NTM: variants seen among roughly 807,000 people sequenced by gnomAD.
The protein encoded by NTM is IgLON family member 2.
NTM carries 13 observed loss-of-function variants against 42.1 expected under a neutral mutation model. That is an observed-to-expected ratio of 0.31 (90% CI 0.20 to 0.49). The LOEUF is 0.49. Ranked by LOEUF, NTM falls within the 20% of genes least tolerant of loss-of-function variation. NTM has a pLI of 0.99. For synonymous variants in NTM, 187 were observed against 179.2 expected (o/e 1.04, Z -0.35); for missense variants, 373 against 452.8 (o/e 0.82, Z 1.60).
At chr11:132,186,800 A>T (rs1429527629) in intron 3 of NTM, among the ~76,000 whole-genome samples, 1 of 152,204 alleles carries the variant, frequency 6.6e-6, no homozygotes, top group Non-Finnish European at 1.5e-5. Context: ...CCTCAAATGC[A>T]CCAGGGATAG....
Position 131,473,522 on chromosome 11 carries a change from A to G in NTM, c.82+102634A>G, listed in dbSNP as rs116869433. On this transcript the variant is annotated intron_variant, in intron 1 of 8. Coordinates refer to ENST00000683400, the MANE Select transcript of NTM (RefSeq NM_001352005.2). ...TAAAGATAGCTTTTCTCCTCTCAGC[A>G]AAGAGGCAGGGATAAGCAGGCTTTC... Among the ~76,000 whole-genome samples, 37 of 152,266 alleles carry G rather than the reference A, an allele frequency of 2.4e-4. No individual in the cohort carries two copies. The East Asian group carries it at 6.7e-3, about 28-fold the overall frequency.
intron 2 of NTM, among the ~76,000 whole-genome samples, chr11:131,985,371 G>A (rs1163156012): frequency 6.6e-6 from 1 of 152,150 alleles, no homozygotes; most frequent in African/African-American, 2.4e-5. Context: ...AATCATGCCA[G>A]AATCCTACTC....
chr11:131,514,265 A>G (rs186279439), intron 1 of NTM, among the ~76,000 whole-genome samples: 3 of 152,282 alleles, frequency 2.0e-5, no homozygotes, highest in Admixed American at 2.0e-4. Context: ...CAAGTTCCTT[A>G]TCTGTAAATG....
intron 1 of NTM, among the ~76,000 whole-genome samples, chr11:131,545,787 G>A (rs183779040): frequency 3.4e-4 from 52 of 152,178 alleles, no homozygotes; most frequent in Non-Finnish European, 6.5e-4. Flanking sequence ...TGAAGGTGTC[G>A]TCAAGTAGAG....
Position 132,125,285 on chromosome 11 carries a change from T to TTGTG in NTM, c.168-20980_168-20977dup, listed in dbSNP as rs57511761. Among the ~76,000 whole-genome samples, 4 of 149,564 alleles carry TTGTG rather than the reference T, an allele frequency of 2.7e-5. No homozygotes were observed. The East Asian group carries it at 6.0e-4, about 22-fold the overall frequency. On this transcript the variant is annotated intron_variant, in intron 2 of 8. Transcript: ENST00000683400. ...AGATAAATAATGTACTGGTGTGTGT[T>TTGTG]TGTGTGTGTGTGTGTGTGTGGTGTG...
At chr11:131,631,749 G>T (rs536445758) in intron 1 of NTM, among the ~76,000 whole-genome samples, 1 of 152,170 alleles carries the variant, frequency 6.6e-6, no homozygotes, top group Admixed American at 6.5e-5. Flanking sequence ...TGTGATTGGC[G>T]CATGCATTCT....
At chr11:131,867,449 ATGTGTGTG>A in intron 1 of NTM, among the ~76,000 whole-genome samples, 1 of 150,944 alleles carries the variant, frequency 6.6e-6, no homozygotes, top group Middle Eastern at 3.5e-3. Flanking sequence ...CCATATGTGT[ATGTGTGTG>A]TGTGTCTGTG....
intron 1 of NTM, among the ~76,000 whole-genome samples, chr11:131,859,096 G>A (rs1263552714): frequency 2.0e-5 from 3 of 151,978 alleles, no homozygotes; most frequent in African/African-American, 4.8e-5. Flanking sequence ...CCATCCATCC[G>A]TCCATCCATG....
chr11:131,581,298 G>A (rs2058388601), intron 1 of NTM, among the ~76,000 whole-genome samples: 1 of 151,864 alleles, frequency 6.6e-6, no homozygotes, highest in Non-Finnish European at 1.5e-5. Context: ...TCTTTTCCTC[G>A]GTCCCCAGGG....
At chr11:131,575,346 A>G (rs764055980) in intron 1 of NTM, among the ~76,000 whole-genome samples, 57 of 152,220 alleles carry the variant, frequency 3.7e-4, no homozygotes, top group Non-Finnish European at 5.9e-4. Flanking sequence ...CACTTACAGT[A>G]TATGTCTTTG....
At chr11:131,626,251 C>A (rs1045232944) in intron 1 of NTM, among the ~76,000 whole-genome samples, 1 of 152,110 alleles carries the variant, frequency 6.6e-6, no homozygotes, top group Non-Finnish European at 1.5e-5. Flanking sequence ...TGTACTGAGA[C>A]ACTTCTTCAA....
intron 1 of NTM, among the ~76,000 whole-genome samples, chr11:131,667,780 G>A (rs945632724): frequency 8.5e-5 from 13 of 152,160 alleles, no homozygotes; most frequent in African/African-American, 2.4e-4. Flanking sequence ...ACCCATGGAC[G>A]CCCTCCCCAC....
At chr11:132,101,065 T>A (rs1038049190) in intron 2 of NTM, among the ~76,000 whole-genome samples, 1 of 152,200 alleles carries the variant, frequency 6.6e-6, no homozygotes, top group South Asian at 2.1e-4. Context: ...ATCCACTAAA[T>A]TTAATATCCA....
chr11:131,509,921 C>T (rs1291407464), intron 1 of NTM, among the ~76,000 whole-genome samples: 1 of 152,048 alleles, frequency 6.6e-6, no homozygotes, highest in African/African-American at 2.4e-5. Flanking sequence ...AGACACATAT[C>T]TCAGGGCATC....
chr11:131,516,046 C>T (rs1029410287), intron 1 of NTM, among the ~76,000 whole-genome samples: 5 of 152,198 alleles, frequency 3.3e-5, no homozygotes, highest in African/African-American at 1.2e-4. Flanking sequence ...TATTCATCCC[C>T]TTAATAATGA....
At chr11:131,373,290 T>G (rs904074446) in intron 1 of NTM, among the ~76,000 whole-genome samples, 1 of 152,340 alleles carries the variant, frequency 6.6e-6, no homozygotes, top group Non-Finnish European at 1.5e-5. Flanking sequence ...CTAGTTAGAA[T>G]GCAGCACACA....
chr11:131,716,706 GA>G (rs1177834660), intron 1 of NTM, among the ~76,000 whole-genome samples: 1 of 152,046 alleles, frequency 6.6e-6, no homozygotes, highest in Non-Finnish European at 1.5e-5. Flanking sequence ...TTTCTCCATT[GA>G]CTTGCTGTAT....
At chr11:131,695,271 C>G (rs1464855326) in intron 1 of NTM, among the ~76,000 whole-genome samples, 1 of 151,652 alleles carries the variant, frequency 6.6e-6, no homozygotes, top group African/African-American at 2.4e-5. Flanking sequence ...CACCTGCACA[C>G]CTCTGGCTTG....
At chr11:132,066,740 A>G (rs747560542) in intron 2 of NTM, among the ~76,000 whole-genome samples, 1 of 152,124 alleles carries the variant, frequency 6.6e-6, no homozygotes, top group Non-Finnish European at 1.5e-5. Context: ...TCTCTTCTAT[A>G]TATGTTCAAA....
Sources: allele counts gnomAD v4.1 joint callset (sites outside exome capture counted in the v4.1 genomes callset), GRCh38; gene constraint gnomAD v4.1.1; transcripts MANE v1.5; gene names NCBI Gene and HGNC (gene_info 2026-07-23, HGNC 2026-07-21).